ETV1: variants seen among roughly 807,000 people sequenced by gnomAD.
ETV1 encodes the protein ETS translocation variant 1.
In ETV1, 27 loss-of-function variants were observed where a neutral mutation model predicts 62.3. That is an observed-to-expected ratio of 0.43 (90% CI 0.32 to 0.60). ETV1 has a LOEUF of 0.60. Ranked by LOEUF, ETV1 falls within the 20% of genes least tolerant of loss-of-function variation. The pLI, the probability that ETV1 is intolerant of heterozygous loss-of-function variation, is 0.06. For synonymous variants in ETV1, 222 were observed against 199.6 expected (o/e 1.11, Z -0.94); for missense variants, 605 against 605.8 (o/e 1.00, Z 0.01).
At chr7:13,952,014 A>G (rs1326881804) in intron 6 of ETV1, among the ~76,000 whole-genome samples, 1 of 151,936 alleles carries the variant, frequency 6.6e-6, no homozygotes, top group Non-Finnish European at 1.5e-5. Context: ...CTTGTTTCCA[A>G]TTTCTCTATC....
chr7:13,895,212 G>A lies in ETV1; in HGVS notation c.*654C>T, dbSNP rs1001752084. ...TCCAAAATTGTGCCCCTCATTTACA[G>A]TCATGGTGATTATTCAACTTCAGAG... On this transcript the variant is annotated 3_prime_UTR_variant, in exon 14 of 14. Coordinates refer to ENST00000430479, the MANE Select transcript of ETV1 (RefSeq NM_004956.5). 1.3e-5 allele frequency: 3 copies of A among 233,446 alleles called. No homozygotes were observed. Among genetic ancestry groups the A allele is most frequent in the Non-Finnish European group, 2.5e-5 (3 of 117,996 alleles). The allele number at this position is 233,446 out of a possible 1,614,324, so 14.5% of individuals were successfully genotyped here.
chr7:13,943,650 T>C (rs1233582333), intron 6 of ETV1, among the ~76,000 whole-genome samples: 1 of 152,100 alleles, frequency 6.6e-6, no homozygotes, highest in South Asian at 2.1e-4. Context: ...AAATAAATCA[T>C]GGCATATGCA....
intron 6 of ETV1, among the ~76,000 whole-genome samples, chr7:13,941,849 T>C (rs903708921): frequency 6.6e-6 from 1 of 150,390 alleles, no homozygotes; most frequent in Admixed American, 6.7e-5. Flanking sequence ...GGTGACAGAG[T>C]GAGATTCTGC....
chr7:13,910,218 A>C (rs1252198861), intron 10 of ETV1, among the ~76,000 whole-genome samples: 1 of 140,656 alleles, frequency 7.1e-6, no homozygotes, highest in Non-Finnish European at 1.5e-5. Context: ...AGAGGAAAAA[A>C]AAAGTTTCCC....
intron 9 of ETV1, among the ~76,000 whole-genome samples, chr7:13,930,903 C>T (rs559982607): frequency 2.0e-4 from 30 of 151,822 alleles, no homozygotes; most frequent in African/African-American, 5.3e-4. Context: ...CGGGTTCAAG[C>T]GATTCTCTTG....
intron 9 of ETV1, among the ~76,000 whole-genome samples, chr7:13,930,249 A>G (rs1354465607): frequency 6.6e-6 from 1 of 152,200 alleles, no homozygotes; most frequent in African/African-American, 2.4e-5. Context: ...TAGAAGGAAA[A>G]ACTCAGCAGG....
chr7:13,912,008 G>A (rs1783615907), intron 9 of ETV1, among the ~76,000 whole-genome samples: 1 of 152,330 alleles, frequency 6.6e-6, no homozygotes, highest in African/African-American at 2.4e-5. Context: ...AGCTGGGACT[G>A]GAAGGGACAG....
At chr7:13,943,065 T>C (rs2128463975) in intron 6 of ETV1, among the ~76,000 whole-genome samples, 1 of 152,246 alleles carries the variant, frequency 6.6e-6, no homozygotes, top group South Asian at 2.1e-4. Flanking sequence ...TAAGATGTTT[T>C]AAGTAGAAAG....
intron 9 of ETV1, among the ~76,000 whole-genome samples, chr7:13,926,954 A>G (rs1475766849): frequency 1.3e-5 from 2 of 152,192 alleles, no homozygotes; most frequent in Non-Finnish European, 2.9e-5. Context: ...AATTATAATT[A>G]TAACTAATAG....
At chr7:13,908,431 G>C (rs1266334617) in intron 11 of ETV1, among the ~76,000 whole-genome samples, 1 of 152,082 alleles carries the variant, frequency 6.6e-6, no homozygotes, top group African/African-American at 2.4e-5. Flanking sequence ...CATTCCAAGA[G>C]TAAGAGGCTT....
At chr7:13,986,317 T>C in intron 5 of ETV1, 1 of 1,502,574 alleles carries the variant, frequency 6.7e-7, no homozygotes, top group Non-Finnish European at 8.8e-7. Flanking sequence ...GGAGGTACAA[T>C]AATATAAACC....
At chr7:13,976,846 A>C (rs1781497283) in intron 6 of ETV1, among the ~76,000 whole-genome samples, 1 of 152,186 alleles carries the variant, frequency 6.6e-6, no homozygotes, top group South Asian at 2.1e-4. Flanking sequence ...AGGAACGCAG[A>C]AGGAAGAACC....
At chr7:13,983,978 AT>A (rs1314210389) in intron 5 of ETV1, among the ~76,000 whole-genome samples, 1 of 151,876 alleles carries the variant, frequency 6.6e-6, no homozygotes, top group African/African-American at 2.4e-5. Flanking sequence ...ACTAATCCAT[AT>A]GTTGCATTTG....
At chr7:13,927,546 A>G (rs1376538571) in intron 9 of ETV1, among the ~76,000 whole-genome samples, 2 of 152,226 alleles carry the variant, frequency 1.3e-5, no homozygotes, top group Admixed American at 1.3e-4. Flanking sequence ...GTTCAACACC[A>G]ATAGGTGAAA....
At chr7:13,926,985 T>C (rs1165930651) in intron 9 of ETV1, among the ~76,000 whole-genome samples, 1 of 152,192 alleles carries the variant, frequency 6.6e-6, no homozygotes, top group East Asian at 1.9e-4. Flanking sequence ...TCCCATGTCA[T>C]AATTAATGTC....
chr7:13,984,033 C>T (rs1424859509), intron 5 of ETV1, among the ~76,000 whole-genome samples: 2 of 151,534 alleles, frequency 1.3e-5, no homozygotes, highest in South Asian at 2.1e-4. Context: ...AAAAACTAAA[C>T]ATGCTAAGAT....
intron 6 of ETV1, among the ~76,000 whole-genome samples, chr7:13,942,646 A>T (rs1400246703): frequency 6.6e-6 from 1 of 152,188 alleles, no homozygotes; most frequent in East Asian, 1.9e-4. Flanking sequence ...AAGTGAGAAC[A>T]TGCATATATC....
At chr7:13,909,549 G>A (rs188084496) in intron 11 of ETV1, 83 bp downstream of exon 11, 966 of 960,630 alleles carry the variant, frequency 1.0e-3, no homozygotes, top group Non-Finnish European at 1.5e-3. Flanking sequence ...TTTAAGTAGG[G>A]ATGTCCACTG....
intron 9 of ETV1, among the ~76,000 whole-genome samples, chr7:13,926,610 GA>G (rs1286705882): frequency 2.6e-5 from 4 of 151,664 alleles, no homozygotes; most frequent in African/African-American, 4.8e-5. Context: ...ATAAGGGCAT[GA>G]AAAAAAATAT....
Sources: allele counts gnomAD v4.1 joint callset (sites outside exome capture counted in the v4.1 genomes callset), GRCh38; gene constraint gnomAD v4.1.1; transcripts MANE v1.5; gene names NCBI Gene and HGNC (gene_info 2026-07-23, HGNC 2026-07-21).